CDS2: variants seen among roughly 807,000 people sequenced by gnomAD.
CDS2 encodes the protein CDP-diacylglycerol synthase 2.
A neutral mutation model predicts 59.0 loss-of-function variants in CDS2; 47 were observed. The ratio of observed to expected loss-of-function variants is 0.80; its 90% CI spans 0.63 to 1.02. The LOEUF (loss-of-function observed/expected upper bound fraction) is 1.02, where lower values mean the gene tolerates loss of function less well. CDS2 is among the 50% of genes least tolerant of loss of function. CDS2 has a pLI of 0.00. For missense variants in CDS2, 356 were observed against 558.9 expected (o/e 0.64, Z 3.66); for synonymous variants, 207 against 206.4 (o/e 1.00, Z -0.02).
chr20:5,190,087 C>T lies in CDS2; in HGVS notation c.1206-15C>T, dbSNP rs2091101529. 1 of 1,613,338 alleles carries T rather than the reference C, an allele frequency of 6.2e-7. No homozygotes were observed. The highest frequency in any genetic ancestry group is 8.5e-7 in the Non-Finnish European group (1 of 1,179,336). On this transcript the variant is annotated splice_polypyrimidine_tract_variant and intron_variant, in intron 12 of 12. Coordinates refer to ENST00000460006, the MANE Select transcript of CDS2 (RefSeq NM_003818.4). ...GGGCCCTAGCTCAGTGCTGTTTCTTCACATTCTGTTCCAGAGGCCCTAACC... is the reference window on the plus strand; with the variant it reads ...GGGCCCTAGCTCAGTGCTGTTTCTTTACATTCTGTTCCAGAGGCCCTAACC...
chr20:5,141,993 G>T (rs143999838), intron 1 of CDS2, among the ~76,000 whole-genome samples: 2 of 152,210 alleles, frequency 1.3e-5, no homozygotes, highest in South Asian at 4.1e-4. Flanking sequence ...GGGAGTGATA[G>T]AGATAGATAT....
chr20:5,128,995 C>T (rs936647793), intron 1 of CDS2, among the ~76,000 whole-genome samples: 1 of 152,150 alleles, frequency 6.6e-6, no homozygotes, highest in African/African-American at 2.4e-5. Flanking sequence ...TTGGATCCAT[C>T]CCCCAGAGAT....
intron 1 of CDS2, among the ~76,000 whole-genome samples, chr20:5,164,733 G>A (rs578158939): frequency 2.4e-4 from 36 of 152,166 alleles, no homozygotes; most frequent in African/African-American, 8.2e-4. Context: ...AGAAGGACCC[G>A]TTGGACTCCA....
chr20:5,171,402 G>T (rs17178947), intron 1 of CDS2, among the ~76,000 whole-genome samples: 1 of 152,282 alleles, frequency 6.6e-6, no homozygotes, highest in Admixed American at 6.5e-5. Context: ...GCTTCTAGAG[G>T]CTCCTGAATG....
At chr20:5,147,791 G>C (rs2090756064) in intron 1 of CDS2, among the ~76,000 whole-genome samples, 2 of 151,370 alleles carry the variant, frequency 1.3e-5, no homozygotes, top group South Asian at 4.2e-4. Flanking sequence ...TGAACTCCTT[G>C]CCTCAGCCTC....
chr20:5,179,878 C>G (rs918262343), intron 5 of CDS2, among the ~76,000 whole-genome samples: 4 of 152,196 alleles, frequency 2.6e-5, no homozygotes, highest in Non-Finnish European at 5.9e-5. Context: ...TAGCTACCTT[C>G]AAAGCTAGTT....
chr20:5,186,307 A>G (rs902564459), intron 9 of CDS2, among the ~76,000 whole-genome samples: 3 of 151,992 alleles, frequency 2.0e-5, no homozygotes, highest in Non-Finnish European at 4.4e-5. Context: ...TCCTCCTGAG[A>G]TCTGCCTCTC....
At position 5,189,711 on chromosome 20, in the gene CDS2, C is replaced by T. The variant is rs752332138; in HGVS notation, c.1102-24C>T. On this transcript the variant is annotated intron_variant, in intron 11 of 12. Transcript: ENST00000460006. Reference sequence around the variant, plus strand: ...GGTTAGTGGCTGAGCCCAAGTTCACCCATCCTTCCCCTGCCTCTAACAGGA... The same window carrying T: ...GGTTAGTGGCTGAGCCCAAGTTCACTCATCCTTCCCCTGCCTCTAACAGGA... 28 of 1,586,176 alleles carry T rather than the reference C, an allele frequency of 1.8e-5. No homozygotes were observed. The South Asian group carries it at 2.9e-4, about 16-fold the overall frequency.
At chr20:5,131,435 C>T (rs1412877392) in intron 1 of CDS2, among the ~76,000 whole-genome samples, 4 of 152,156 alleles carry the variant, frequency 2.6e-5, no homozygotes, top group African/African-American at 9.7e-5. Context: ...TCTGATGGAG[C>T]TTAGGAAAGC....
At chr20:5,186,461 G>T (rs944915247) in intron 9 of CDS2, among the ~76,000 whole-genome samples, 2 of 151,870 alleles carry the variant, frequency 1.3e-5, no homozygotes, top group Admixed American at 1.3e-4. Context: ...TTCTTTCGGG[G>T]CCTGGGTGTT....
At chr20:5,137,475 T>C (rs2090657754) in intron 1 of CDS2, among the ~76,000 whole-genome samples, 1 of 151,070 alleles carries the variant, frequency 6.6e-6, no homozygotes, top group African/African-American at 2.4e-5. Flanking sequence ...AGGCCTGACC[T>C]CAAGTGATCT....
intron 4 of CDS2, 129 bp from the exon 5 acceptor site, chr20:5,178,688 T>G: frequency 2.3e-4 from 190 of 811,302 alleles, no homozygotes; most frequent in Non-Finnish European, 3.4e-4. Context: ...TGTTGCTCTG[T>G]GAGCTGTCCC....
intron 1 of CDS2, among the ~76,000 whole-genome samples, chr20:5,159,627 C>T (rs765292166): frequency 6.6e-6 from 1 of 152,108 alleles, no homozygotes; most frequent in Non-Finnish European, 1.5e-5. Flanking sequence ...AATGCCTGTG[C>T]AGATGGTAAC....
In CDS2 at chr20:5,191,736, G is replaced by C. The variant is rs2091116338; in HGVS notation, c.*1502G>C. On this transcript the variant is annotated 3_prime_UTR_variant, in exon 13 of 13. Transcript: ENST00000460006. ...TGTTTCAGCTCACACATCCTTGAGTGACTTCCCATATGTGTGTGGGGCTGA... is the reference window on the plus strand; with the variant it reads ...TGTTTCAGCTCACACATCCTTGAGTCACTTCCCATATGTGTGTGGGGCTGA... 1 of 152,190 alleles carries C rather than the reference G, an allele frequency of 6.6e-6. No homozygotes were observed. The highest frequency in any genetic ancestry group is 2.1e-4 in the South Asian group (1 of 4,828). 9.4% of individuals were successfully genotyped at this position (152,190 alleles called of 1,614,324 possible).
rs747399402 is a variant in CDS2, at chr20:5,175,271, A to T, written c.283A>T (p.Met95Leu). The change falls in exon 3 of 13, where the codon ATG becomes TTG. Residue 95 changes from methionine to leucine, a missense_variant. This residue lies in a region of CDS2 where 107 missense variants were observed against 129.7 expected (regional missense o/e 0.82). Transcript: ENST00000460006. ...CATTTACCTGGGACCAATGGTTTTG[A>T]TGATAATCGTAAGTGCCATTTCACA... ...IIIYLGPMVL[M>L]IIVMCVQIKC... 5 of 1,613,222 alleles carry T rather than the reference A, an allele frequency of 3.1e-6. No individual in the cohort carries two copies. The East Asian group carries it at 8.9e-5, about 29-fold the overall frequency.
At chr20:5,135,440 G>A (rs2090641666) in intron 1 of CDS2, among the ~76,000 whole-genome samples, 1 of 149,886 alleles carries the variant, frequency 6.7e-6, no homozygotes, top group South Asian at 2.1e-4. Flanking sequence ...GGGTGAAAAA[G>A]TACAGCTGTT....
intron 1 of CDS2, among the ~76,000 whole-genome samples, chr20:5,133,668 C>T (rs898554269): frequency 7.9e-5 from 12 of 152,208 alleles, no homozygotes; most frequent in Non-Finnish European, 1.3e-4. Context: ...ACTGGGATTA[C>T]GGGCATGCCA....
chr20:5,137,000 C>G (rs2090654506), intron 1 of CDS2, among the ~76,000 whole-genome samples: 2 of 152,120 alleles, frequency 1.3e-5, no homozygotes, highest in African/African-American at 4.8e-5. Flanking sequence ...CCATGTGTAG[C>G]TCCCAGTTCA....
intron 10 of CDS2, 104 bp from the exon 11 acceptor site, chr20:5,188,963 C>T (rs2091091437): frequency 1.2e-5 from 17 of 1,424,940 alleles, no homozygotes; most frequent in Non-Finnish European, 1.6e-5. Context: ...CATCACCTCC[C>T]AGTGAGGCCA....
Sources: allele counts gnomAD v4.1 joint callset (sites outside exome capture counted in the v4.1 genomes callset), GRCh38; gene constraint gnomAD v4.1.1; regional missense constraint gnomAD v4.1.1; transcripts MANE v1.5; gene names NCBI Gene and HGNC (gene_info 2026-07-23, HGNC 2026-07-21).